FRMD5: variants seen among roughly 807,000 people sequenced by gnomAD.
The protein encoded by FRMD5 is FERM domain-containing protein 5.
A neutral mutation model predicts 69.0 loss-of-function variants in FRMD5; 20 were observed. The observed-to-expected ratio is 0.29, with a 90% CI of 0.20 to 0.42. The LOEUF (loss-of-function observed/expected upper bound fraction) is 0.42, where lower values mean the gene tolerates loss of function less well. Ranked by LOEUF, FRMD5 falls within the 10% of genes least tolerant of loss-of-function variation. FRMD5 has a pLI of 1.00. For synonymous variants in FRMD5, 271 were observed against 260.1 expected (o/e 1.04, Z -0.40); for missense variants, 595 against 708.6 (o/e 0.84, Z 1.82).
intron 1 of FRMD5, among the ~76,000 whole-genome samples, chr15:44,002,784 A>C (rs1476828178): frequency 6.6e-6 from 1 of 152,106 alleles, no homozygotes; most frequent in Non-Finnish European, 1.5e-5. Context: ...CTGCCTGTGG[A>C]TTTCATTTCT....
chr15:44,147,182 G>A (rs2162366), intron 1 of FRMD5, among the ~76,000 whole-genome samples: 15,874 of 151,996 alleles, frequency 0.1, 1,273 homozygotes, highest in African/African-American at 0.23. Context: ...GTAAGGTCAG[G>A]GTCCGGTTTC....
chr15:44,113,858 A>T (rs971631228), intron 1 of FRMD5, among the ~76,000 whole-genome samples: 7 of 152,212 alleles, frequency 4.6e-5, no homozygotes, highest in Admixed American at 3.3e-4. Flanking sequence ...TGAACTGGAT[A>T]AAACAACATG....
intron 11 of FRMD5, 40 bp downstream of exon 11, chr15:43,885,641 G>T: frequency 1.9e-6 from 3 of 1,540,732 alleles, no homozygotes; most frequent in Non-Finnish European, 1.8e-6. Flanking sequence ...AGAAGGGTCT[G>T]AAAATAGATC....
chr15:43,975,117 A>G (rs924408911), intron 1 of FRMD5, among the ~76,000 whole-genome samples: 2 of 152,260 alleles, frequency 1.3e-5, no homozygotes, highest in Non-Finnish European at 2.9e-5. Flanking sequence ...AAGATAAACT[A>G]GGCATCGCCC....
At chr15:44,151,954 A>T (rs2077453962) in intron 1 of FRMD5, among the ~76,000 whole-genome samples, 1 of 152,240 alleles carries the variant, frequency 6.6e-6, no homozygotes, top group Non-Finnish European at 1.5e-5. Flanking sequence ...TCACAACTGT[A>T]ATCTCAGCAC....
At chr15:44,122,682 C>T (rs2076970188) in intron 1 of FRMD5, among the ~76,000 whole-genome samples, 1 of 152,058 alleles carries the variant, frequency 6.6e-6, no homozygotes, top group Admixed American at 6.5e-5. Flanking sequence ...GGGCAGATCA[C>T]GAGGTCAGGA....
At chr15:43,994,222 T>C (rs1444435444) in intron 1 of FRMD5, among the ~76,000 whole-genome samples, 1 of 152,204 alleles carries the variant, frequency 6.6e-6, no homozygotes, top group Non-Finnish European at 1.5e-5. Context: ...TTCCTTACTT[T>C]TTATTTTTTG....
chr15:43,906,197 C>G (rs1392390313), intron 5 of FRMD5, among the ~76,000 whole-genome samples: 5 of 152,210 alleles, frequency 3.3e-5, no homozygotes, highest in Non-Finnish European at 7.3e-5. Flanking sequence ...GAGAGCTGAC[C>G]TTGTGTTCTG....
intron 1 of FRMD5, among the ~76,000 whole-genome samples, chr15:44,034,847 C>CT (rs1174090383): frequency 1.2e-4 from 18 of 152,124 alleles, no homozygotes; most frequent in African/African-American, 4.3e-4. Flanking sequence ...TAGCCCTAAC[C>CT]TAACAACTGG....
intron 1 of FRMD5, among the ~76,000 whole-genome samples, chr15:44,055,113 G>T (rs977453989): frequency 6.6e-6 from 1 of 151,026 alleles, no homozygotes; most frequent in African/African-American, 2.4e-5. Flanking sequence ...TCCTAAGATT[G>T]CACAGTTTGT....
At chr15:43,949,616 C>T (rs1376305048) in intron 1 of FRMD5, among the ~76,000 whole-genome samples, 1 of 152,184 alleles carries the variant, frequency 6.6e-6, no homozygotes, top group Non-Finnish European at 1.5e-5. Context: ...ATGTTCATTC[C>T]TTGTACGACA....
chr15:44,143,476 A>G (rs1307526763), intron 1 of FRMD5, among the ~76,000 whole-genome samples: 1 of 152,014 alleles, frequency 6.6e-6, no homozygotes, highest in Admixed American at 6.6e-5. Flanking sequence ...GGCCATGAAG[A>G]ACTATGATAT....
intron 1 of FRMD5, among the ~76,000 whole-genome samples, chr15:43,977,486 T>C (rs904802938): frequency 6.6e-6 from 1 of 152,176 alleles, no homozygotes; most frequent in African/African-American, 2.4e-5. Flanking sequence ...AGGTCATTCA[T>C]TGTTGCTATA....
At chr15:44,099,504 GA>G (rs896101556) in intron 1 of FRMD5, among the ~76,000 whole-genome samples, 42 of 150,392 alleles carry the variant, frequency 2.8e-4, no homozygotes, top group African/African-American at 9.3e-4. Flanking sequence ...TGTTAAAACT[GA>G]AAAAAAAATG....
chr15:43,921,898 G>T (rs1186355338), intron 2 of FRMD5, among the ~76,000 whole-genome samples: 2 of 152,206 alleles, frequency 1.3e-5, no homozygotes, highest in African/African-American at 4.8e-5. Flanking sequence ...GGCTCCTGCA[G>T]AGCAAGGACT....
intron 1 of FRMD5, among the ~76,000 whole-genome samples, chr15:44,067,524 C>T (rs1370400680): frequency 1.4e-4 from 21 of 152,144 alleles, no homozygotes; most frequent in Non-Finnish European, 7.4e-5. Context: ...AAGATCAAGG[C>T]ACCAGCAGAT....
At chr15:44,187,060 A>C (rs1000885895) in intron 1 of FRMD5, among the ~76,000 whole-genome samples, 4 of 152,176 alleles carry the variant, frequency 2.6e-5, no homozygotes, top group African/African-American at 9.7e-5. Context: ...GTTAATGCAC[A>C]ATTGGGGCTG....
chr15:43,961,588 G>A (rs545523916), intron 1 of FRMD5, among the ~76,000 whole-genome samples: 7 of 151,990 alleles, frequency 4.6e-5, no homozygotes, highest in East Asian at 1.9e-4. Context: ...AAAGCCTGGC[G>A]GAGACACAAC....
intron 5 of FRMD5, among the ~76,000 whole-genome samples, chr15:43,909,464 CTGTT>C (rs953864351): frequency 1.6e-4 from 24 of 150,874 alleles, no homozygotes; most frequent in South Asian, 6.4e-4. Flanking sequence ...AAGTTAGATA[CTGTT>C]TGTTTGTTTG....
Sources: gnomAD v4.1 joint callset for allele counts (sites outside exome capture counted in the v4.1 genomes callset) on GRCh38, gnomAD v4.1.1 for gene constraint, MANE v1.5 for transcripts, NCBI Gene and HGNC (gene_info 2026-07-23, HGNC 2026-07-21) for gene names.